Variants in LRP1B observed in about 807,000 individuals in gnomAD.
LRP1B encodes the protein LDL receptor related protein 1B.
Under a neutral mutation model 556.6 loss-of-function variants are expected in LRP1B, and 217 were observed. That is an observed-to-expected ratio of 0.39 (90% CI 0.35 to 0.44). The LOEUF (loss-of-function observed/expected upper bound fraction) is 0.44, where lower values mean the gene tolerates loss of function less well. Ranked by LOEUF, LRP1B falls within the 20% of genes least tolerant of loss-of-function variation. The probability of loss-of-function intolerance (pLI) is 1.00; values close to 1 mark genes in which losing one functional copy is unlikely to be tolerated. For missense variants in LRP1B, 5,053 were observed against 5,620.8 expected (o/e 0.90, Z 3.23); for synonymous variants, 2,047 against 1,865.8 (o/e 1.10, Z -2.50).
chr2:140,232,790 T>C lies in LRP1B; in HGVS notation c.*396A>G, dbSNP rs1452655962. On this transcript the variant is annotated 3_prime_UTR_variant, in exon 91 of 91. Coordinates refer to ENST00000389484, the MANE Select transcript of LRP1B (RefSeq NM_018557.3). ...TTTAAACAGAAAAATAATATGACAC[T>C]GTATTACAGCCTTCAAACCGTATAA... 1 of 152,686 alleles carries C rather than the reference T, an allele frequency of 6.5e-6. No homozygotes were observed. Among genetic ancestry groups the C allele is most frequent in the African/African-American group, 2.4e-5 (1 of 41,368 alleles). The allele number at this position is 152,686 out of a possible 1,614,324, so 9.5% of individuals were successfully genotyped here.
chr2:141,436,772 G>T (rs193271232), intron 3 of LRP1B, among the ~76,000 whole-genome samples: 1 of 152,204 alleles, frequency 6.6e-6, no homozygotes, highest in African/African-American at 2.4e-5. Flanking sequence ...GAACAGTTTA[G>T]GTTCAAAATA....
chr2:140,970,751 T>G (rs1197314507), intron 18 of LRP1B, among the ~76,000 whole-genome samples: 2 of 58,792 alleles, frequency 3.4e-5, no homozygotes, highest in Admixed American at 4.3e-4. Context: ...TTTTTTTTTT[T>G]TTTTTTTGAG....
At chr2:142,013,193 C>CT (rs374222561) in intron 1 of LRP1B, among the ~76,000 whole-genome samples, 2 of 151,924 alleles carry the variant, frequency 1.3e-5, no homozygotes, top group East Asian at 3.9e-4. Flanking sequence ...ATCCTTATTA[C>CT]TTTTTTTTCA....
chr2:140,593,904 G>A (rs1224521221), intron 43 of LRP1B, among the ~76,000 whole-genome samples: 5 of 152,044 alleles, frequency 3.3e-5, no homozygotes, highest in African/African-American at 1.2e-4. Context: ...TGATAAATAT[G>A]AGTTGTAAGT....
At position 140,378,381 on chromosome 2, in the gene LRP1B, A is replaced by G. The variant is rs931724257; in HGVS notation, c.10532-95T>C. On this transcript the variant is annotated intron_variant, in intron 67 of 90. Transcript: ENST00000389484. ...TGACATGAGGTAGCATTAAAGAAAA[A>G]AAAAGAGGTTAGTCAGACAGAACCA... The G allele has an allele frequency of 9.2e-6, 6 of 650,872 alleles. No individual in the cohort carries two copies. The South Asian group carries it at 1.0e-4, about 11-fold the overall frequency. The allele number at this position is 650,872 out of a possible 1,614,324, so 40.3% of individuals were successfully genotyped here.
rs961326129 is a variant in LRP1B at position 141,275,643 on chromosome 2, G to T, written c.344-21002C>A. 2.6e-5 allele frequency among the ~76,000 whole-genome samples: 4 copies of T among 152,154 alleles called. No individual in the cohort carries two copies. The East Asian group carries it at 7.7e-4, about 29-fold the overall frequency. ...TGGGAGGATAACTTAAGCCCAGAAG[G>T]TTGACGCTGCAGTAAGCCATAATTG... On this transcript the variant is annotated intron_variant, in intron 3 of 90. Coordinates refer to ENST00000389484, the MANE Select transcript of LRP1B (RefSeq NM_018557.3).
chr2:141,670,675 A>G (rs1690633040), intron 2 of LRP1B, among the ~76,000 whole-genome samples: 1 of 152,234 alleles, frequency 6.6e-6, no homozygotes, highest in Non-Finnish European at 1.5e-5. Flanking sequence ...ACATATTAAA[A>G]CAATAAATAT....
intron 41 of LRP1B, among the ~76,000 whole-genome samples, chr2:140,643,198 A>C (rs1397780450): frequency 1.3e-5 from 2 of 152,172 alleles, no homozygotes; most frequent in African/African-American, 4.8e-5. Context: ...ATATATACCC[A>C]GGACGCCTTT....
intron 41 of LRP1B, among the ~76,000 whole-genome samples, chr2:140,647,717 T>C (rs1313788117): frequency 2.0e-5 from 3 of 152,228 alleles, no homozygotes; most frequent in African/African-American, 4.8e-5. Context: ...ATCAGAGAAA[T>C]GCAAATCAAA....
chr2:140,967,906 G>C (rs973686028), intron 18 of LRP1B, among the ~76,000 whole-genome samples: 1 of 151,176 alleles, frequency 6.6e-6, no homozygotes, highest in Admixed American at 6.6e-5. Flanking sequence ...TGATCATGGT[G>C]GATAAGCTTT....
chr2:142,097,323 A>T (rs1706411534), intron 1 of LRP1B, among the ~76,000 whole-genome samples: 1 of 151,630 alleles, frequency 6.6e-6, no homozygotes, highest in Non-Finnish European at 1.5e-5. Flanking sequence ...CTTTAGTCAA[A>T]TGCTCTTGAC....
chr2:142,078,739 T>C (rs906373859), intron 1 of LRP1B, among the ~76,000 whole-genome samples: 5 of 152,170 alleles, frequency 3.3e-5, no homozygotes, highest in African/African-American at 1.2e-4. Flanking sequence ...AGGAATCCAC[T>C]GTTTTGTATA....
intron 2 of LRP1B, among the ~76,000 whole-genome samples, chr2:141,750,388 C>G (rs1367196077): frequency 6.6e-6 from 1 of 152,116 alleles, no homozygotes; most frequent in African/African-American, 2.4e-5. Context: ...TTCTTATTCT[C>G]TGACTGAAGC....
chr2:140,748,587 G>A (rs1230240018), intron 35 of LRP1B, among the ~76,000 whole-genome samples: 1 of 22,626 alleles, frequency 4.4e-5, no homozygotes, highest in Non-Finnish European at 8.2e-5. Context: ...TACATATACA[G>A]TGTGTATATA....
At chr2:141,359,280 A>AAC (rs397965146) in intron 3 of LRP1B, among the ~76,000 whole-genome samples, 1 of 150,680 alleles carries the variant, frequency 6.6e-6, no homozygotes, top group Non-Finnish European at 1.5e-5. Flanking sequence ...AAAAAAAAAA[A>AAC]CCACAGAATT....
At chr2:140,913,355 A>G (rs1330080362) in intron 21 of LRP1B, among the ~76,000 whole-genome samples, 1 of 151,992 alleles carries the variant, frequency 6.6e-6, no homozygotes, top group Non-Finnish European at 1.5e-5. Flanking sequence ...GATGAAAGCC[A>G]TATAACCATC....
intron 1 of LRP1B, among the ~76,000 whole-genome samples, chr2:141,944,985 T>C (rs1470747812): frequency 1.3e-5 from 2 of 152,222 alleles, no homozygotes; most frequent in African/African-American, 4.8e-5. Flanking sequence ...AGATTAATTT[T>C]TATTGGATTC....
At chr2:140,305,216 G>T (rs947697393) in intron 83 of LRP1B, among the ~76,000 whole-genome samples, 1 of 152,146 alleles carries the variant, frequency 6.6e-6, no homozygotes, top group Admixed American at 6.5e-5. Context: ...GCTTAATGGG[G>T]ATGGCATTAA....
intron 2 of LRP1B, among the ~76,000 whole-genome samples, chr2:141,483,580 C>T (rs1220283119): frequency 1.3e-5 from 2 of 151,462 alleles, no homozygotes; most frequent in African/African-American, 4.9e-5. Context: ...GTCCCACCAA[C>T]AGTGTAAAAG....
Sources: allele counts gnomAD v4.1 joint callset (sites outside exome capture counted in the v4.1 genomes callset), GRCh38; gene constraint gnomAD v4.1.1; transcripts MANE v1.5; gene names NCBI Gene and HGNC (gene_info 2026-07-23, HGNC 2026-07-21).